ROBO2: variants seen among roughly 807,000 people sequenced by gnomAD.
ROBO2 encodes roundabout homolog 2.
A neutral mutation model predicts 160.8 loss-of-function variants in ROBO2; 53 were observed. The ratio of observed to expected loss-of-function variants is 0.33; its 90% CI spans 0.26 to 0.41. The LOEUF (loss-of-function observed/expected upper bound fraction) is 0.41, where lower values mean the gene tolerates loss of function less well. Among genes scored for constraint, ROBO2 ranks in the 10% least tolerant of loss-of-function variants. The pLI, the probability that ROBO2 is intolerant of heterozygous loss-of-function variation, is 1.00. For synonymous variants in ROBO2, 664 were observed against 611.7 expected, an observed-to-expected ratio of 1.09 and a Z score of -1.26; for missense variants, 1,577 against 1,722.4, an observed-to-expected ratio of 0.92 and a Z score of 1.49.
intron 2 of ROBO2, among the ~76,000 whole-genome samples, chr3:76,996,060 T>C (rs1281213915): frequency 6.6e-6 from 1 of 152,232 alleles, no homozygotes; most frequent in African/African-American, 2.4e-5. Context: ...GCCTAGGTTT[T>C]CTTTTAGGGA....
At chr3:76,758,628 C>T (rs2061122131) in intron 2 of ROBO2, among the ~76,000 whole-genome samples, 1 of 151,792 alleles carries the variant, frequency 6.6e-6, no homozygotes, top group Non-Finnish European at 1.5e-5. Flanking sequence ...ACCTTCTCAT[C>T]AGCTGTAATG....
intron 2 of ROBO2, among the ~76,000 whole-genome samples, chr3:76,258,610 G>A (rs568881379): frequency 3.3e-5 from 5 of 152,012 alleles, no homozygotes; most frequent in African/African-American, 1.2e-4. Flanking sequence ...TGGTTCTGTT[G>A]TTATTGTATC....
chr3:76,331,746 C>T (rs911686524), intron 2 of ROBO2, among the ~76,000 whole-genome samples: 3 of 150,488 alleles, frequency 2.0e-5, no homozygotes, highest in African/African-American at 4.9e-5. Flanking sequence ...CTGGAGTTCA[C>T]GATCTCAACT....
chr3:76,451,235 C>T (rs1035357397), intron 2 of ROBO2, among the ~76,000 whole-genome samples: 1 of 152,098 alleles, frequency 6.6e-6, no homozygotes, highest in East Asian at 1.9e-4. Context: ...TCTCCTTGTC[C>T]CCATAAGTGA....
chr3:77,388,396 C>T (rs962893002), intron 2 of ROBO2, among the ~76,000 whole-genome samples: 1 of 152,078 alleles, frequency 6.6e-6, no homozygotes, highest in Admixed American at 6.6e-5. Context: ...GCCTAGGCAA[C>T]AGAGTGAAAC....
intron 2 of ROBO2, among the ~76,000 whole-genome samples, chr3:76,024,446 T>C (rs975898567): frequency 2.0e-5 from 3 of 151,584 alleles, no homozygotes; most frequent in African/African-American, 7.3e-5. Flanking sequence ...TATAGGTCAT[T>C]TGCAAGTAGT....
At chr3:76,018,702 A>C (rs185619918) in intron 2 of ROBO2, among the ~76,000 whole-genome samples, 8 of 151,978 alleles carry the variant, frequency 5.3e-5, no homozygotes, top group Non-Finnish European at 1.2e-4. Context: ...TAATATTTGC[A>C]TTATGGCCTC....
intron 2 of ROBO2, among the ~76,000 whole-genome samples, chr3:76,116,516 G>A (rs751732680): frequency 6.6e-6 from 1 of 151,778 alleles, no homozygotes; most frequent in African/African-American, 2.4e-5. Flanking sequence ...GACAGGAGGA[G>A]AACCGAGATG....
chr3:76,078,008 T>C (rs181968376), intron 2 of ROBO2, among the ~76,000 whole-genome samples: 6 of 152,314 alleles, frequency 3.9e-5, no homozygotes, highest in Admixed American at 3.9e-4. Context: ...AACCCTGCTT[T>C]CCACTCCCTC....
At chr3:76,763,612 A>G (rs968125879) in intron 2 of ROBO2, among the ~76,000 whole-genome samples, 2 of 151,470 alleles carry the variant, frequency 1.3e-5, no homozygotes, top group South Asian at 4.1e-4. Context: ...GACTTGATTT[A>G]TGTTCTTTCA....
chr3:77,277,565 G>T (rs1198357135), intron 2 of ROBO2, among the ~76,000 whole-genome samples: 1 of 152,066 alleles, frequency 6.6e-6, no homozygotes, highest in East Asian at 1.9e-4. Flanking sequence ...TTGGTTTTCT[G>T]TTCCTGTGTT....
intron 2 of ROBO2, among the ~76,000 whole-genome samples, chr3:76,343,391 AAATG>A (rs1398254045): frequency 1.3e-5 from 2 of 152,084 alleles, no homozygotes; most frequent in African/African-American, 2.4e-5. Context: ...TATGTCTAAT[AAATG>A]AATGACTGGT....
At chr3:77,218,843 T>C (rs1321393293) in intron 2 of ROBO2, among the ~76,000 whole-genome samples, 1 of 152,222 alleles carries the variant, frequency 6.6e-6, no homozygotes, top group African/African-American at 2.4e-5. Flanking sequence ...CACATTTTCA[T>C]TGACACTCTA....
At chr3:77,334,308 A>G (rs2066266755) in intron 2 of ROBO2, among the ~76,000 whole-genome samples, 1 of 152,196 alleles carries the variant, frequency 6.6e-6, no homozygotes, top group Non-Finnish European at 1.5e-5. Context: ...CTGCTGACCT[A>G]TATAAAGCTG....
intron 2 of ROBO2, among the ~76,000 whole-genome samples, chr3:76,309,168 T>C (rs2071459100): frequency 6.6e-6 from 1 of 151,964 alleles, no homozygotes; most frequent in African/African-American, 2.4e-5. Context: ...GGTGAGGGAG[T>C]TGGTCAATTT....
At chr3:76,353,170 C>G (rs1411615069) in intron 2 of ROBO2, among the ~76,000 whole-genome samples, 1 of 151,956 alleles carries the variant, frequency 6.6e-6, no homozygotes, top group African/African-American at 2.4e-5. Context: ...ATCCCTGTTT[C>G]ACGCAGATGA....
At chr3:76,536,880 C>G (rs1262841894) in intron 2 of ROBO2, among the ~76,000 whole-genome samples, 1 of 152,058 alleles carries the variant, frequency 6.6e-6, no homozygotes, top group African/African-American at 2.4e-5. Context: ...CTGATAGAGA[C>G]AAAGGTACAT....
intron 6 of ROBO2, among the ~76,000 whole-genome samples, chr3:77,537,645 T>C (rs2092209551): frequency 6.6e-6 from 1 of 152,164 alleles, no homozygotes; most frequent in Non-Finnish European, 1.5e-5. Context: ...TATTATTGTA[T>C]TAGTCTGTTC....
At chr3:76,382,971 T>C (rs898672212) in intron 2 of ROBO2, among the ~76,000 whole-genome samples, 2 of 152,100 alleles carry the variant, frequency 1.3e-5, no homozygotes, top group African/African-American at 4.8e-5. Flanking sequence ...AGAAAAAAGA[T>C]GGTAATAAAG....
Sources: gnomAD v4.1 joint callset for allele counts (sites outside exome capture counted in the v4.1 genomes callset) on GRCh38, gnomAD v4.1.1 for gene constraint, MANE v1.5 for transcripts, NCBI Gene and HGNC (gene_info 2026-07-23, HGNC 2026-07-21) for gene names.